The following IL17B variants were observed in gnomAD, a reference collection of about 807,000 sequenced individuals.
The protein encoded by IL17B is interleukin-17B.
Under a neutral mutation model 14.7 loss-of-function variants are expected in IL17B, and 14 were observed. The observed-to-expected ratio is 0.95, with a 90% CI of 0.63 to 1.49. The LOEUF (loss-of-function observed/expected upper bound fraction) is 1.49. Among genes scored for constraint, IL17B ranks in the 40% most tolerant of loss-of-function variants. IL17B has a pLI of 0.00. For synonymous variants in IL17B, 105 were observed against 94.8 expected, an observed-to-expected ratio of 1.11 and a Z score of -0.62; for missense variants, 233 against 252.8, an observed-to-expected ratio of 0.92 and a Z score of 0.53.
chr5:149,381,679 A>C (rs975649888), upstream of IL17B, among the ~76,000 whole-genome samples: 2 of 152,210 alleles, frequency 1.3e-5, no homozygotes, highest in Non-Finnish European at 2.9e-5. Context: ...GCATGGGCCC[A>C]GCAACAGTCA....
At chr5:149,390,587 G>GCACACACACACACACACACA (rs56268721) in intron 1 of IL17B, among the ~76,000 whole-genome samples, 4 of 114,946 alleles carry the variant, frequency 3.5e-5, no homozygotes, top group African/African-American at 1.4e-4. Context: ...CCCTGAGTTA[G>GCACACACACACACACACACA]CACACACACA....
chr5:149,387,198 A>C (rs1470103037), intron 1 of IL17B, among the ~76,000 whole-genome samples: 1 of 152,206 alleles, frequency 6.6e-6, no homozygotes, highest in African/African-American at 2.4e-5. Context: ...AGGAAGGTAC[A>C]ATGTCTCCAG....
intron 1 of IL17B, among the ~76,000 whole-genome samples, chr5:149,394,308 C>T (rs1759048968): frequency 6.6e-6 from 1 of 152,202 alleles, no homozygotes; most frequent in South Asian, 2.1e-4. Context: ...AATACCATGA[C>T]AGACAATCTG....
At chr5:149,389,106 A>G (rs1758888035) in intron 1 of IL17B, among the ~76,000 whole-genome samples, 1 of 152,182 alleles carries the variant, frequency 6.6e-6, no homozygotes, top group South Asian at 2.1e-4. Context: ...AGAGAGAACA[A>G]CCCTGGTTCT....
chr5:149,376,203 T>C (rs991745424), intron 2 of IL17B, among the ~76,000 whole-genome samples: 9 of 152,222 alleles, frequency 5.9e-5, no homozygotes, highest in African/African-American at 2.2e-4. Flanking sequence ...CAATGGGTCT[T>C]GATTCCCAAA....
intron 1 of IL17B, among the ~76,000 whole-genome samples, chr5:149,386,103 T>C (rs964774147): frequency 1.3e-5 from 2 of 152,242 alleles, no homozygotes; most frequent in Non-Finnish European, 2.9e-5. Flanking sequence ...GCCTCTGTTG[T>C]TGGGTCAGAG....
intron 2 of IL17B, chr5:149,375,074 GAAACT>G (rs1303465055): frequency 6.4e-6 from 1 of 155,350 alleles, no homozygotes; most frequent in Non-Finnish European, 1.4e-5. Context: ...ATATTGTTGG[GAAACT>G]TAATCCACGG....
chr5:149,375,639 C>T (rs1161697957), intron 2 of IL17B, among the ~76,000 whole-genome samples: 1 of 152,188 alleles, frequency 6.6e-6, no homozygotes, highest in Non-Finnish European at 1.5e-5. Flanking sequence ...GTAATCTCAG[C>T]ACTTTGCGAG....
chr5:149,388,017 A>C (rs1758861450), intron 1 of IL17B, among the ~76,000 whole-genome samples: 1 of 152,194 alleles, frequency 6.6e-6, no homozygotes, highest in East Asian at 1.9e-4. Flanking sequence ...AACCAGCAGC[A>C]GTTAGAGGTG....
At chr5:149,396,137 A>G (rs1469661619) in intron 1 of IL17B, among the ~76,000 whole-genome samples, 12 of 152,262 alleles carry the variant, frequency 7.9e-5, no homozygotes, top group Non-Finnish European at 1.5e-5. Context: ...CACTTTTAGA[A>G]GCTTGATCAC....
rs1038555813 is a variant in IL17B, at chr5:149,379,116, A to G, written c.21+89T>C. Reference sequence around the variant, plus strand: ...TGCCTCTGCAGATTCTAAACCAAACAGAGGCAGCCATTAATAAATAGGAAA... The same window carrying G: ...TGCCTCTGCAGATTCTAAACCAAACGGAGGCAGCCATTAATAAATAGGAAA... On this transcript the variant is annotated intron_variant, in intron 1 of 2. Transcript: ENST00000261796. 5.3e-6 allele frequency: 8 copies of G among 1,511,098 alleles called. No homozygotes were observed. In the African/African-American group the frequency reaches 1.1e-4, roughly 21 times the overall value. The allele number at this position is 1,511,098 out of a possible 1,614,324, so 93.6% of individuals were successfully genotyped here.
intron 1 of IL17B, among the ~76,000 whole-genome samples, chr5:149,384,834 A>G (rs1347004829): frequency 2.0e-5 from 3 of 152,084 alleles, no homozygotes; most frequent in African/African-American, 7.2e-5. Flanking sequence ...AGCAGAGAGC[A>G]GAACACTAGC....
At chr5:149,390,168 C>T (rs901773057) in intron 1 of IL17B, among the ~76,000 whole-genome samples, 3 of 151,152 alleles carry the variant, frequency 2.0e-5, no homozygotes, top group African/African-American at 7.2e-5. Flanking sequence ...TCATGTTACT[C>T]TAGTCATCCA....
At chr5:149,377,470 G>A (rs559437167) in intron 1 of IL17B, among the ~76,000 whole-genome samples, 127 of 152,298 alleles carry the variant, frequency 8.3e-4, no homozygotes, top group Admixed American at 8.2e-3. Context: ...CATGGACTCC[G>A]TGGGGGCACG....
At chr5:149,380,941 T>C (rs1409787958), upstream of IL17B, among the ~76,000 whole-genome samples, 1 of 151,848 alleles carries the variant, frequency 6.6e-6, no homozygotes, top group Non-Finnish European at 1.5e-5. Flanking sequence ...GAGGGAGGGG[T>C]ACTCTGAAAA....
chr5:149,381,999 C>T (rs915763049), upstream of IL17B, among the ~76,000 whole-genome samples: 3 of 152,234 alleles, frequency 2.0e-5, no homozygotes, highest in East Asian at 3.9e-4. Flanking sequence ...TGGGTGGCCG[C>T]GGTCTCGCTC....
At chr5:149,376,647 T>C in intron 2 of IL17B, 89 bp downstream of exon 2, 1 of 1,493,018 alleles carries the variant, frequency 6.7e-7, no homozygotes, top group South Asian at 1.4e-5. Context: ...CCCAGACCTC[T>C]GAATCTGAGA....
chr5:149,388,861 A>T (rs554388927), intron 1 of IL17B, among the ~76,000 whole-genome samples: 3 of 152,234 alleles, frequency 2.0e-5, no homozygotes, highest in African/African-American at 7.2e-5. Context: ...CAGGTTCTGG[A>T]GTCTCTGCCC....
chr5:149,401,455 A>G (rs1759204240), intron 1 of IL17B, among the ~76,000 whole-genome samples: 1 of 152,242 alleles, frequency 6.6e-6, no homozygotes, highest in African/African-American at 2.4e-5. Context: ...CTGTAATCCC[A>G]GCACTTTGGG....
Sources: allele counts gnomAD v4.1 joint callset (sites outside exome capture counted in the v4.1 genomes callset), GRCh38; gene constraint gnomAD v4.1.1; transcripts MANE v1.5; gene names NCBI Gene and HGNC (gene_info 2026-07-23, HGNC 2026-07-21).